Variants in SLIT3 observed in about 807,000 individuals in gnomAD.
SLIT3 encodes slit guidance ligand 3.
Under a neutral mutation model 184.0 loss-of-function variants are expected in SLIT3, and 68 were observed. That is an observed-to-expected ratio of 0.37 (90% CI 0.30 to 0.45). SLIT3 has a LOEUF of 0.45. Among genes scored for constraint, SLIT3 ranks in the 20% least tolerant of loss-of-function variants. The pLI is 1.00. For synonymous variants in SLIT3, 831 were observed against 828.6 expected (o/e 1.00, Z -0.05); for missense variants, 1,707 against 2,026.0 (o/e 0.84, Z 3.02).
rs181090528 is a variant in SLIT3, at chr5:168,917,753, T to G, written c.414-34417A>C. 8.3e-4 allele frequency among the ~76,000 whole-genome samples: 126 copies of G among 152,366 alleles called. 2 individuals are homozygous for G. Among genetic ancestry groups the G allele is most frequent in the Admixed American group, 7.6e-3 (116 of 15,310 alleles). On this transcript the variant is annotated intron_variant, in intron 4 of 35. Transcript: ENST00000519560. Reference sequence around the variant, plus strand: ...TGGAAGGTTTTGGCACGTTAAAATCTAATTCCTCTTTGGAGAAGCCAAGGA... The same window carrying G: ...TGGAAGGTTTTGGCACGTTAAAATCGAATTCCTCTTTGGAGAAGCCAAGGA...
chr5:169,250,838 T>C lies in SLIT3; in HGVS notation c.269+550A>G, dbSNP rs917884674. On this transcript the variant is annotated intron_variant, in intron 2 of 35. Coordinates refer to ENST00000519560, the MANE Select transcript of SLIT3 (RefSeq NM_003062.4). ...TCTTATCACTCACAGACTTAAGGAT[T>C]GATGAAAGTGTTCAATATTCAGCAA... Among the ~76,000 whole-genome samples the C allele has an allele frequency of 3.3e-5, 5 of 152,352 alleles. No homozygotes were observed. In the East Asian group the frequency reaches 9.6e-4, roughly 29 times the overall value.
At chr5:169,152,770 C>T (rs1248644158) in intron 4 of SLIT3, among the ~76,000 whole-genome samples, 1 of 152,156 alleles carries the variant, frequency 6.6e-6, no homozygotes, top group Non-Finnish European at 1.5e-5. Context: ...ATAATTATTT[C>T]CTTCCCTGAC....
At chr5:169,066,184 C>G (rs1309151234) in intron 4 of SLIT3, among the ~76,000 whole-genome samples, 1 of 152,194 alleles carries the variant, frequency 6.6e-6, no homozygotes, top group Non-Finnish European at 1.5e-5. Flanking sequence ...AAATTATATT[C>G]TGACTGCAGT....
At chr5:168,705,095 G>A (rs1762337418) in intron 26 of SLIT3, among the ~76,000 whole-genome samples, 1 of 152,128 alleles carries the variant, frequency 6.6e-6, no homozygotes, top group Non-Finnish European at 1.5e-5. Flanking sequence ...TTCTTCCCAT[G>A]GCTACACTCT....
At chr5:169,078,303 T>C (rs1212354528) in intron 4 of SLIT3, among the ~76,000 whole-genome samples, 1 of 152,308 alleles carries the variant, frequency 6.6e-6, no homozygotes, top group East Asian at 1.9e-4. Flanking sequence ...CTGTTTCTGG[T>C]TTCCTCTCCA....
chr5:168,922,665 T>C (rs1761677724), intron 4 of SLIT3, among the ~76,000 whole-genome samples: 1 of 152,004 alleles, frequency 6.6e-6, no homozygotes, highest in African/African-American at 2.4e-5. Context: ...GAGCTTCAGT[T>C]TGGAGGCAAT....
At chr5:168,705,567 C>T (rs879374390) in intron 26 of SLIT3, among the ~76,000 whole-genome samples, 4 of 152,182 alleles carry the variant, frequency 2.6e-5, no homozygotes, top group Non-Finnish European at 5.9e-5. Flanking sequence ...TCTTCACCAT[C>T]ACCATCAACA....
rs1406483853 is a variant in SLIT3, at chr5:168,945,639, T to C, written c.414-62303A>G. Among the ~76,000 whole-genome samples the C allele has an allele frequency of 2.0e-5, 3 of 152,224 alleles. No homozygotes were observed. The East Asian group carries it at 5.8e-4, about 29-fold the overall frequency. ...GAACCCTCTCCACATGCTATACTTT[T>C]AATATGTTCTAGGTCTGCTTTCAGT... On this transcript the variant is annotated intron_variant, in intron 4 of 35. Transcript: ENST00000519560.
At chr5:168,718,728 A>ACACACACG in intron 23 of SLIT3, among the ~76,000 whole-genome samples, 1 of 127,426 alleles carries the variant, frequency 7.8e-6, no homozygotes, top group Admixed American at 7.4e-5. Flanking sequence ...ACACACACAC[A>ACACACACG]CATTCTCTCT....
chr5:169,230,435 G>A (rs1764963515), intron 3 of SLIT3, among the ~76,000 whole-genome samples: 1 of 152,180 alleles, frequency 6.6e-6, no homozygotes, highest in Admixed American at 6.5e-5. Flanking sequence ...AATAACTCTT[G>A]CAGTAATTTA....
intron 4 of SLIT3, among the ~76,000 whole-genome samples, chr5:169,056,829 GC>G (rs1201321357): frequency 6.6e-6 from 1 of 152,140 alleles, no homozygotes; most frequent in Admixed American, 6.5e-5. Flanking sequence ...AGGGGAGGTG[GC>G]CCAGGGCCAC....
chr5:168,805,837 G>A (rs1384514885), intron 9 of SLIT3, among the ~76,000 whole-genome samples: 1 of 152,184 alleles, frequency 6.6e-6, no homozygotes, highest in Non-Finnish European at 1.5e-5. Context: ...ATTTTACAGA[G>A]TACCTGCCCA....
At chr5:168,755,317 T>G (rs749526130) in intron 16 of SLIT3, among the ~76,000 whole-genome samples, 7 of 152,066 alleles carry the variant, frequency 4.6e-5, no homozygotes, top group Non-Finnish European at 1.0e-4. Context: ...ATTACTTCTT[T>G]ACAAAATTCA....
At chr5:169,196,254 G>C (rs1302090500) in intron 3 of SLIT3, among the ~76,000 whole-genome samples, 1 of 152,166 alleles carries the variant, frequency 6.6e-6, no homozygotes, top group African/African-American at 2.4e-5. Flanking sequence ...GCGATAACAG[G>C]TGGAAGCCGT....
chr5:169,295,353 T>A (rs2113665596), intron 1 of SLIT3, among the ~76,000 whole-genome samples: 1 of 152,352 alleles, frequency 6.6e-6, no homozygotes. Flanking sequence ...AGTTAAGAAA[T>A]CATAGAGGGA....
chr5:168,701,478 G>T (rs753727135), intron 26 of SLIT3, among the ~76,000 whole-genome samples: 1 of 152,218 alleles, frequency 6.6e-6, no homozygotes, highest in African/African-American at 2.4e-5. Flanking sequence ...TGAAGGGGAC[G>T]TGTGAGCTGA....
At chr5:169,264,980 C>T (rs1766340652) in intron 1 of SLIT3, among the ~76,000 whole-genome samples, 1 of 152,208 alleles carries the variant, frequency 6.6e-6, no homozygotes, top group Non-Finnish European at 1.5e-5. Context: ...CAGCCCTGTG[C>T]AGACAGCTAC....
intron 4 of SLIT3, among the ~76,000 whole-genome samples, chr5:168,895,993 A>G (rs537209087): frequency 1.3e-5 from 2 of 152,148 alleles, no homozygotes; most frequent in South Asian, 4.2e-4. Context: ...AATAGAATCA[A>G]CTCCCCTGTC....
chr5:168,809,826 G>C (rs1223408915), intron 8 of SLIT3, among the ~76,000 whole-genome samples: 2 of 152,208 alleles, frequency 1.3e-5, no homozygotes, highest in Admixed American at 1.3e-4. Context: ...AGAGGTGAGT[G>C]TTCCTTCTGG....
Sources: gnomAD v4.1 joint callset for allele counts (sites outside exome capture counted in the v4.1 genomes callset) on GRCh38, gnomAD v4.1.1 for gene constraint, MANE v1.5 for transcripts, NCBI Gene and HGNC (gene_info 2026-07-23, HGNC 2026-07-21) for gene names.